TRPC6: variants seen among roughly 807,000 people sequenced by gnomAD.
TRPC6 encodes the protein short transient receptor potential channel 6.
In TRPC6, 55 loss-of-function variants were observed where a neutral mutation model predicts 90.7. The ratio of observed to expected loss-of-function variants is 0.61; its 90% CI spans 0.49 to 0.76. The LOEUF (loss-of-function observed/expected upper bound fraction) is 0.76. Ranked by LOEUF, TRPC6 falls within the 30% of genes least tolerant of loss-of-function variation. The pLI, the probability that TRPC6 is intolerant of heterozygous loss-of-function variation, is 0.00. For missense variants in TRPC6, 989 were observed against 1,122.7 expected (o/e 0.88, Z 1.70); for synonymous variants, 393 against 393.0 (o/e 1.00, Z 0.00).
intron 2 of TRPC6, 82 bp downstream of exon 2, chr11:101,503,942 G>A (rs752374611): frequency 2.6e-6 from 4 of 1,553,266 alleles, no homozygotes; most frequent in Non-Finnish European, 3.6e-6. Context: ...AACTAGCACA[G>A]TGCTGAGCAC....
intron 4 of TRPC6, among the ~76,000 whole-genome samples, chr11:101,484,252 G>A (rs2136692950): frequency 6.6e-6 from 1 of 152,282 alleles, no homozygotes; most frequent in Admixed American, 6.5e-5. Flanking sequence ...ACTTGTTCAA[G>A]GTCACATATC....
chr11:101,456,174 C>T lies in TRPC6; in HGVS notation c.2485-1073G>A, dbSNP rs75053819. On this transcript the variant is annotated intron_variant, in intron 10 of 12. Transcript: ENST00000344327. ...AGAGAGGCAGTTTAGGTTCCCAAAA[C>T]GAGCACTTGAAGGGAACCTCAAGGA... Among the ~76,000 whole-genome samples, 920 of 152,160 alleles carry T rather than the reference C, an allele frequency of 6.0e-3. 9 individuals carry two copies. Among genetic ancestry groups the T allele is most frequent in the African/African-American group, 0.017 (687 of 41,536 alleles).
chr11:101,571,528 T>C (rs890138079), intron 1 of TRPC6, among the ~76,000 whole-genome samples: 1 of 152,150 alleles, frequency 6.6e-6, no homozygotes, highest in African/African-American at 2.4e-5. Context: ...AATTTAAACT[T>C]CATATGGAAC....
chr11:101,497,847 C>G (rs1745283234), intron 2 of TRPC6, among the ~76,000 whole-genome samples: 1 of 152,072 alleles, frequency 6.6e-6, no homozygotes, highest in African/African-American at 2.4e-5. Context: ...AATGCTCTCC[C>G]TCCCATTGCC....
intron 1 of TRPC6, among the ~76,000 whole-genome samples, chr11:101,577,657 C>G (rs190599130): frequency 2.2e-4 from 33 of 152,224 alleles, no homozygotes; most frequent in African/African-American, 7.5e-4. Flanking sequence ...CAAGAACGCT[C>G]GCTGCCAGAT....
chr11:101,472,917 A>AT (rs1859327437), intron 7 of TRPC6, among the ~76,000 whole-genome samples: 1 of 152,076 alleles, frequency 6.6e-6, no homozygotes, highest in Admixed American at 6.6e-5. Flanking sequence ...GTTGCTTCTT[A>AT]TTATAACACT....
chr11:101,571,972 A>C (rs7938938), intron 1 of TRPC6, among the ~76,000 whole-genome samples: 1 of 151,924 alleles, frequency 6.6e-6, no homozygotes, highest in African/African-American at 2.4e-5. Context: ...AAGGACTTCA[A>C]GACTACAACA....
rs1476672259 is a variant in TRPC6 at position 101,452,897 on chromosome 11, G to C, written c.*58C>G. ...CATTGGCACTTAAGAAAATAAATCA[G>C]AAAATAATATGGCTTCAAGTGGACA... is the stretch of plus-strand genomic sequence containing the variant. On this transcript the variant is annotated 3_prime_UTR_variant, in exon 13 of 13. Transcript: ENST00000344327. The C allele has an allele frequency of 6.2e-7, 1 of 1,603,698 alleles. No homozygotes were observed. Among genetic ancestry groups the C allele is most frequent in the Admixed American group, 1.7e-5 (1 of 59,538 alleles).
chr11:101,473,850 G>T (rs1859352049), intron 6 of TRPC6, 77 bp from the exon 7 acceptor site: 1 of 1,595,668 alleles, frequency 6.3e-7, no homozygotes, highest in South Asian at 1.1e-5. Flanking sequence ...TTCTGCGAAA[G>T]AAATATAGTT....
intron 1 of TRPC6, among the ~76,000 whole-genome samples, chr11:101,506,520 T>C (rs954133029): frequency 4.6e-5 from 7 of 152,166 alleles, no homozygotes; most frequent in African/African-American, 1.4e-4. Flanking sequence ...TACCACCATA[T>C]TGACAAATAT....
rs372499871 is a variant in TRPC6 at position 101,467,256 on chromosome 11, CTTCT to C, written c.2484+2167_2484+2170del. Among the ~76,000 whole-genome samples the C allele has an allele frequency of 1.2e-3, 184 of 152,142 alleles. 3 individuals are homozygous for C. The highest frequency in any genetic ancestry group is 4.2e-3 in the African/African-American group (175 of 41,504). ...CCATTTATGATTTTTAACTGGACCC[CTTCT>C]TTATTTTTTGCATTCTTTTTATAGG... is the stretch of plus-strand genomic sequence containing the variant. On this transcript the variant is annotated intron_variant, in intron 10 of 12. Coordinates refer to ENST00000344327, the MANE Select transcript of TRPC6 (RefSeq NM_004621.6).
In TRPC6 at chr11:101,504,386, TG is replaced by T. The variant is rs1203894463; in HGVS notation, c.582del (p.Ser195AlafsTer26). The T allele has an allele frequency of 6.2e-7, 1 of 1,614,148 alleles. No individual in the cohort carries two copies. ...TGCTGGAGTTCAGACTGGCTAGGGCTGGTTGCTAACCTCTTGCCTTCAGCAA... is the reference window on the plus strand; with the variant it reads ...TGCTGGAGTTCAGACTGGCTAGGGCTGTTGCTAACCTCTTGCCTTCAGCAA... ...PAFAEGKRLA[T>X]SPSQSELQQD... is the part of the protein sequence containing the mutation. On this transcript the variant is annotated frameshift_variant, in exon 2 of 13. Transcript: ENST00000344327. LOFTEE classifies it high-confidence loss of function.
At chr11:101,501,510 T>C (rs10791487) in intron 2 of TRPC6, among the ~76,000 whole-genome samples, 71,216 of 151,810 alleles carry the variant, frequency 0.47, 17,195 homozygotes, top group African/African-American at 0.58. Flanking sequence ...AAGGTCCCAC[T>C]CTGCTGTAAA....
At chr11:101,567,072 G>T (rs1261329001) in intron 1 of TRPC6, among the ~76,000 whole-genome samples, 2 of 143,046 alleles carry the variant, frequency 1.4e-5, no homozygotes, top group Admixed American at 1.4e-4. Flanking sequence ...GGGGCGGGGT[G>T]GGGGGGGTCC....
chr11:101,545,329 G>T (rs990383659), intron 1 of TRPC6, among the ~76,000 whole-genome samples: 1 of 152,080 alleles, frequency 6.6e-6, no homozygotes, highest in Non-Finnish European at 1.5e-5. Flanking sequence ...ATAGTATATA[G>T]GAGGGTGTGC....
At chr11:101,531,008 A>G (rs1057388161) in intron 1 of TRPC6, among the ~76,000 whole-genome samples, 1 of 152,176 alleles carries the variant, frequency 6.6e-6, no homozygotes, top group African/African-American at 2.4e-5. Context: ...GCTAATGTAC[A>G]TCATGGTGAC....
intron 1 of TRPC6, among the ~76,000 whole-genome samples, chr11:101,533,969 T>C (rs961044318): frequency 6.6e-6 from 1 of 152,188 alleles, no homozygotes; most frequent in Non-Finnish European, 1.5e-5. Context: ...CGTTCCTTGA[T>C]GCTGTGTGCT....
intron 2 of TRPC6, among the ~76,000 whole-genome samples, chr11:101,497,624 T>A (rs2136721378): frequency 6.6e-6 from 1 of 152,238 alleles, no homozygotes; most frequent in Non-Finnish European, 1.5e-5. Context: ...CTGGAAGACC[T>A]CCAGAAAAAC....
chr11:101,538,334 G>T (rs1176965580), intron 1 of TRPC6, among the ~76,000 whole-genome samples: 3 of 151,902 alleles, frequency 2.0e-5, no homozygotes, highest in Admixed American at 6.6e-5. Flanking sequence ...TAGTTTCTTT[G>T]AATTTTTAGG....
Sources: gnomAD v4.1 joint callset for allele counts (sites outside exome capture counted in the v4.1 genomes callset) on GRCh38, gnomAD v4.1.1 for gene constraint, MANE v1.5 for transcripts, NCBI Gene and HGNC (gene_info 2026-07-23, HGNC 2026-07-21) for gene names.